The following NSD3 variants were observed in gnomAD, a reference collection of about 807,000 sequenced individuals.
NSD3 encodes nuclear receptor binding SET domain protein 3.
NSD3 carries 24 observed loss-of-function variants against 160.8 expected under a neutral mutation model. The ratio of observed to expected loss-of-function variants is 0.15; its 90% CI spans 0.11 to 0.21. The LOEUF (loss-of-function observed/expected upper bound fraction) is 0.21, where lower values mean the gene tolerates loss of function less well. Among genes scored for constraint, NSD3 ranks in the 10% least tolerant of loss-of-function variants. The pLI, the probability that NSD3 is intolerant of heterozygous loss-of-function variation, is 1.00. For missense variants in NSD3, 1,157 were observed against 1,735.9 expected (o/e 0.67, Z 5.93); for synonymous variants, 520 against 600.0 (o/e 0.87, Z 1.95).
At chr8:38,299,854 C>T (rs926638416) in intron 14 of NSD3, 1 of 302,108 alleles carries the variant, frequency 3.3e-6, no homozygotes, top group Non-Finnish European at 6.0e-6. Flanking sequence ...AAGATATAAA[C>T]ACTTGACATC....
chr8:38,330,066 G>C (rs188596268), intron 5 of NSD3, among the ~76,000 whole-genome samples, 173 bp from the exon 6 acceptor site: 1 of 152,058 alleles, frequency 6.6e-6, no homozygotes, highest in East Asian at 1.9e-4. Flanking sequence ...AAAGATATTC[G>C]ATAACATGAG....
chr8:38,334,409 T>C (rs1360180978), intron 4 of NSD3, among the ~76,000 whole-genome samples: 1 of 152,228 alleles, frequency 6.6e-6, no homozygotes, highest in Admixed American at 6.5e-5. Flanking sequence ...TGGTGATGGT[T>C]GCACAACTCT....
Position 38,270,417 on chromosome 8 carries a change from C to G in NSD3, c.*5224G>C, listed in dbSNP as rs1049184960. 3.1e-4 allele frequency: 47 copies of G among 152,124 alleles called. No individual in the cohort carries two copies. Among genetic ancestry groups the G allele is most frequent in the African/African-American group, 1.1e-3 (47 of 41,420 alleles). 9.4% of individuals were successfully genotyped at this position (152,124 alleles called of 1,614,324 possible). A position where few individuals can be genotyped will look rare whatever the true frequency, so the allele number is the denominator to read the frequency against. On this transcript the variant is annotated 3_prime_UTR_variant, in exon 24 of 24. Transcript: ENST00000317025. ...TACAAATGAGTTTCTCATATCAATT[C>G]CAAATATACACATACCCTTGTATAT...
intron 2 of NSD3, among the ~76,000 whole-genome samples, chr8:38,342,800 C>T (rs1441085684): frequency 6.6e-6 from 1 of 151,870 alleles, no homozygotes; most frequent in Non-Finnish European, 1.5e-5. Context: ...CCTTGTGATC[C>T]GCCCGCCTCG....
At position 38,328,029 on chromosome 8, in the gene NSD3, C is replaced by A. The variant is rs149522552; in HGVS notation, c.1582-1173G>T. ...CCAGCCTGGGCACCATAGTGAGACC[C>A]TGTCTCTACAAAAAATTTTTAAAAG... is the stretch of plus-strand genomic sequence containing the variant. On this transcript the variant is annotated intron_variant, in intron 6 of 23. Coordinates refer to ENST00000317025, the MANE Select transcript of NSD3 (RefSeq NM_023034.2). Among the ~76,000 whole-genome samples, 8 of 152,056 alleles carry A rather than the reference C, an allele frequency of 5.3e-5. No homozygotes were observed. In the East Asian group the frequency reaches 1.5e-3, roughly 29 times the overall value.
intron 1 of NSD3, among the ~76,000 whole-genome samples, chr8:38,367,438 G>A (rs906983817): frequency 1.4e-4 from 21 of 152,302 alleles, no homozygotes; most frequent in Middle Eastern, 3.4e-3. Flanking sequence ...TTGGCCAGGT[G>A]TGGTGGCTCA....
chr8:38,356,091 T>C (rs1810817231), intron 1 of NSD3, among the ~76,000 whole-genome samples: 1 of 152,236 alleles, frequency 6.6e-6, no homozygotes, highest in South Asian at 2.1e-4. Context: ...GGTGGGAGAC[T>C]AAATAATTGT....
At chr8:38,322,314 T>C (rs1809810720) in intron 7 of NSD3, among the ~76,000 whole-genome samples, 1 of 152,184 alleles carries the variant, frequency 6.6e-6, no homozygotes, top group Admixed American at 6.5e-5. Context: ...TTAATCGATT[T>C]ATAGTAATCA....
At position 38,275,399 on chromosome 8, in the gene NSD3, C is replaced by T. The variant is rs542657225; in HGVS notation, c.*242G>A. The T allele has an allele frequency of 1.4e-4, 67 of 464,376 alleles. No individual in the cohort carries two copies. The highest frequency in any genetic ancestry group is 1.2e-3 in the East Asian group (35 of 29,214). 28.8% of individuals were successfully genotyped at this position (464,376 alleles called of 1,614,324 possible). On this transcript the variant is annotated 3_prime_UTR_variant, in exon 24 of 24. Coordinates refer to ENST00000317025, the MANE Select transcript of NSD3 (RefSeq NM_023034.2). ...TTCAAGCTGCAATGGCACTGAAGCA[C>T]AATAAAAGGCAAGAAAAGACCAAGG...
intron 14 of NSD3, 52 bp from the exon 15 acceptor site, chr8:38,299,642 C>T: frequency 6.9e-7 from 1 of 1,448,384 alleles, no homozygotes; most frequent in Non-Finnish European, 9.1e-7. Flanking sequence ...ACCCATGATT[C>T]CATGAGGAAA....
intron 14 of NSD3, among the ~76,000 whole-genome samples, chr8:38,304,203 A>T (rs1291652476): frequency 6.6e-6 from 1 of 152,244 alleles, no homozygotes; most frequent in Non-Finnish European, 1.5e-5. Flanking sequence ...GTGAAATCTC[A>T]ATCAGTTGAA....
intron 14 of NSD3, among the ~76,000 whole-genome samples, chr8:38,301,194 T>C (rs1809268142): frequency 6.6e-6 from 1 of 152,134 alleles, no homozygotes; most frequent in East Asian, 1.9e-4. Context: ...TGGTCTTGAA[T>C]TCCTGGGCTC....
intron 5 of NSD3, among the ~76,000 whole-genome samples, chr8:38,330,211 A>T (rs1469569069): frequency 6.6e-6 from 1 of 152,220 alleles, no homozygotes; most frequent in African/African-American, 2.4e-5. Context: ...GATTACAGAA[A>T]TGGTTATTTT....
intron 4 of NSD3, 151 bp downstream of exon 4, chr8:38,337,154 G>GAAA: frequency 3.7e-6 from 2 of 547,074 alleles, no homozygotes; most frequent in Non-Finnish European, 5.1e-6. Context: ...AAAAAAAAAA[G>GAAA]AAAAAAAAAA....
intron 15 of NSD3, among the ~76,000 whole-genome samples, chr8:38,296,769 C>T (rs910330384): frequency 2.0e-5 from 3 of 150,908 alleles, no homozygotes; most frequent in African/African-American, 4.9e-5. Context: ...TATTTTGAGA[C>T]GGGCTCTATC....
intron 6 of NSD3, among the ~76,000 whole-genome samples, chr8:38,327,693 A>T (rs1345145457): frequency 2.6e-5 from 4 of 152,172 alleles, no homozygotes; most frequent in Non-Finnish European, 5.9e-5. Flanking sequence ...AGTCATTTGC[A>T]TTTGGTAAAG....
intron 8 of NSD3, chr8:38,320,163 G>A (rs910625696): frequency 1.3e-5 from 2 of 151,988 alleles, no homozygotes; most frequent in African/African-American, 4.8e-5. Flanking sequence ...TGTTTCACTT[G>A]CTTGGTGATA....
intron 20 of NSD3, 47 bp from the exon 21 acceptor site, chr8:38,279,728 C>T: frequency 6.4e-7 from 1 of 1,574,752 alleles, no homozygotes. Context: ...TAAGTCTCTC[C>T]CAGAAACATC....
At chr8:38,337,011 G>A (rs1230371761) in intron 4 of NSD3, among the ~76,000 whole-genome samples, 2 of 151,756 alleles carry the variant, frequency 1.3e-5, no homozygotes, top group Admixed American at 6.6e-5. Context: ...GAATTGTGGC[G>A]GGTGCCTGTA....
Sources: gnomAD v4.1 joint callset for allele counts (sites outside exome capture counted in the v4.1 genomes callset) on GRCh38, gnomAD v4.1.1 for gene constraint, MANE v1.5 for transcripts, NCBI Gene and HGNC (gene_info 2026-07-23, HGNC 2026-07-21) for gene names.